The following CENPT variants were observed in gnomAD, a reference collection of about 807,000 sequenced individuals.
The protein encoded by CENPT is interphase centromere complex protein 22.
A neutral mutation model predicts 59.7 loss-of-function variants in CENPT; 42 were observed. The ratio of observed to expected loss-of-function variants is 0.70; its 90% CI spans 0.55 to 0.91. The LOEUF is 0.91. Ranked by LOEUF, CENPT falls within the 40% of genes least tolerant of loss-of-function variation. The probability of loss-of-function intolerance (pLI) is 0.00; values close to 1 mark genes in which losing one functional copy is unlikely to be tolerated. For missense variants in CENPT, 716 were observed against 713.4 expected (o/e 1.00, Z -0.04); for synonymous variants, 295 against 289.6 (o/e 1.02, Z -0.19).
chr16:67,833,903 C>T lies in CENPT; in HGVS notation c.-44G>A. ...TCCTAACCGCCCAGCCAGCTGCAGG[C>T]TCCGCCTTCCCGCCGCCACAGTTAA... On this transcript the variant is annotated 5_prime_UTR_variant, in exon 4 of 16. Transcript: ENST00000562787. 1 of 1,276,838 alleles carries T rather than the reference C, an allele frequency of 7.8e-7. No individual in the cohort carries two copies. 79.1% of individuals were successfully genotyped at this position (1,276,838 alleles called of 1,614,324 possible).
intron 1 of CENPT, among the ~76,000 whole-genome samples, chr16:67,840,094 A>G (rs1423579620): frequency 1.3e-5 from 2 of 152,170 alleles, no homozygotes; most frequent in Non-Finnish European, 2.9e-5. Flanking sequence ...AGGCGGGCGG[A>G]TCACGAAGTC....
rs1309966979 is a variant in CENPT, at chr16:67,843,460, G to C, written c.-492+3941C>G. 4.3e-6 allele frequency: 7 copies of C among 1,613,242 alleles called. No individual in the cohort carries two copies. Among genetic ancestry groups the C allele is most frequent in the Non-Finnish European group, 5.9e-6 (7 of 1,179,574 alleles). On this transcript the variant is annotated intron_variant, in intron 1 of 15. Transcript: ENST00000562787. This position sits in a 1 kb window ranked among gnomAD's most constrained non-coding sequence, Gnocchi z 5.7. ...AAGAACTGCGTGAGAAGGATCGGCT[G>C]CTTGCCATGGCTGTCATCCGCAAGA...
intron 1 of CENPT, among the ~76,000 whole-genome samples, chr16:67,840,048 G>A (rs1274100633): frequency 6.6e-6 from 1 of 151,102 alleles, no homozygotes; most frequent in Non-Finnish European, 1.5e-5. Context: ...CGGGCGCGGT[G>A]GCTCACGCCT....
chr16:67,831,883 G>A lies in CENPT; in HGVS notation c.394C>T (p.Leu132=). 6.2e-7 allele frequency: 1 copy of A among 1,611,396 alleles called. No homozygotes were observed. The highest frequency in any genetic ancestry group is 8.5e-7 in the Non-Finnish European group (1 of 1,179,236). ...RQESSCGSLE[L]QLPELEPPTT... is the part of the protein sequence containing the mutation. ...GGGGGCTCGAGCTCAGGAAGTTGCAGCTCCAGGCTATAAGAATGGAGCTTA... is the reference window on the plus strand; with the variant it reads ...GGGGGCTCGAGCTCAGGAAGTTGCAACTCCAGGCTATAAGAATGGAGCTTA... Residue 132 remains leucine (L), a synonymous_variant, in exon 8 of 16, where the codon CTG becomes TTG. Transcript: ENST00000562787.
Position 67,840,745 on chromosome 16 carries a change from T to G in CENPT, c.-491-5087A>C, listed in dbSNP as rs954816443. On this transcript the variant is annotated intron_variant, in intron 1 of 15. Transcript: ENST00000562787. ...TACCCCCGAACCTAAAGTAAAAGTTTAAAAAAAATTGGGAGAAGGAAGAAC... is the reference window on the plus strand; with the variant it reads ...TACCCCCGAACCTAAAGTAAAAGTTGAAAAAAAATTGGGAGAAGGAAGAAC... 9.9e-5 allele frequency among the ~76,000 whole-genome samples: 15 copies of G among 151,740 alleles called. No homozygotes were observed. The South Asian group carries it at 3.1e-3, about 32-fold the overall frequency.
chr16:67,829,792 C>A lies in CENPT; in HGVS notation c.1159G>T (p.Gly387Trp). 1 of 1,614,218 alleles carries A rather than the reference C, an allele frequency of 6.2e-7. No homozygotes were observed. ...GCCCTGCCAGAGGCATCCTCATCCC[C>A]TGAAGATGCTCCTGGCCCGTCAGCC... Reference protein sequence around the residue: ...AEADGPGASSGDEDASGRAAS... With the variant: ...AEADGPGASSWDEDASGRAAS... Residue 387 changes from glycine (G) to tryptophan (W), a missense_variant, in exon 12 of 16, where the codon GGG (glycine) becomes TGG (tryptophan). By Grantham distance (184) the Gly-to-Trp change is radical. Transcript: ENST00000562787.
intron 4 of CENPT, among the ~76,000 whole-genome samples, chr16:67,832,891 A>G (rs1264468292): frequency 6.6e-6 from 1 of 152,204 alleles, no homozygotes; most frequent in Admixed American, 6.5e-5. Flanking sequence ...CCCAGACATG[A>G]AAGTAACAAT....
rs760705922 is a variant in CENPT, at chr16:67,832,230, GT to G, written c.286del (p.Thr96LeufsTer8). ...PRTLLKNILL[T>X]APESSILMPE... The stretch of plus-strand genomic sequence containing the variant: ...CCGGCAGGCCAGCGCTCACTTACCA[GT>G]TAGTAGGATGTTCTTCAGCAGCGTC... On this transcript the variant is annotated frameshift_variant, in exon 6 of 16. Coordinates refer to ENST00000562787, the MANE Select transcript of CENPT (RefSeq NM_025082.4). LOFTEE classifies it high-confidence loss of function. 1 of 1,614,110 alleles carries G rather than the reference GT, an allele frequency of 6.2e-7. No individual in the cohort carries two copies. Among genetic ancestry groups the G allele is most frequent in the African/African-American group, 1.3e-5 (1 of 75,064 alleles).
At position 67,842,891 on chromosome 16, in the gene CENPT, C is replaced by G; in HGVS notation, c.-492+4510G>C. ...GCAGCAGCAACAGCAGCAGCAGCAG[C>G]AACAGCAGCAACAGCAGCAGCAGCA... is the stretch of plus-strand genomic sequence containing the variant. On this transcript the variant is annotated intron_variant, in intron 1 of 15. Coordinates refer to ENST00000562787, the MANE Select transcript of CENPT (RefSeq NM_025082.4). This position sits in a 1 kb window ranked among gnomAD's most constrained non-coding sequence, Gnocchi z 4.9. 6.3e-7 allele frequency: 1 copy of G among 1,585,712 alleles called. No individual in the cohort carries two copies.
rs1009637330 is a variant in CENPT, at chr16:67,845,818, A to G, written c.-492+1583T>C. Among the ~76,000 whole-genome samples, 10 of 152,230 alleles carry G rather than the reference A, an allele frequency of 6.6e-5. 1 individual carries two copies. The highest frequency in any genetic ancestry group is 2.4e-4 in the African/African-American group (10 of 41,464). ...CTGAGTAATAAGCATCTAGTCAGGC[A>G]AAGTGTAGTGTTGACAGACCTGAGA... is the stretch of plus-strand genomic sequence containing the variant. On this transcript the variant is annotated intron_variant, in intron 1 of 15. Coordinates refer to ENST00000562787, the MANE Select transcript of CENPT (RefSeq NM_025082.4).
At chr16:67,846,445 T>C (rs993182450) in intron 1 of CENPT, among the ~76,000 whole-genome samples, 1 of 152,252 alleles carries the variant, frequency 6.6e-6, no homozygotes, top group Non-Finnish European at 1.5e-5. Flanking sequence ...GAGCTGTGCG[T>C]TCCGCCCGGG....
In CENPT at chr16:67,832,274, C is replaced by T. The variant is rs1458530375; in HGVS notation, c.243G>A (p.Leu81=). 4 of 1,614,078 alleles carry T rather than the reference C, an allele frequency of 2.5e-6. 1 individual carries two copies. In the Admixed American group the frequency reaches 5.0e-5, roughly 20 times the overall value. Reference sequence around the variant, plus strand: ...GCAGCGTCCGAGGTGTCTGTTCCTCCAAGTGCCCACTGGCCTGAATATGGG... The same window carrying T: ...GCAGCGTCCGAGGTGTCTGTTCCTCTAAGTGCCCACTGGCCTGAATATGGG... ...RSAHIQASGH[L]EEQTPRTLLK... The change falls in exon 6 of 16, where the codon TTG becomes TTA. Residue 81 remains leucine (L), a synonymous_variant. Coordinates refer to ENST00000562787, the MANE Select transcript of CENPT (RefSeq NM_025082.4).
chr16:67,839,526 C>T (rs779346520), intron 1 of CENPT, among the ~76,000 whole-genome samples: 4 of 152,008 alleles, frequency 2.6e-5, no homozygotes, highest in Admixed American at 6.6e-5. Context: ...CACCACTACA[C>T]GCCAGCCTGG....
At position 67,832,217 on chromosome 16, in the gene CENPT, C is replaced by A. The variant is rs753122348; in HGVS notation, c.289+11G>T. On this transcript the variant is annotated intron_variant, in intron 6 of 15. Coordinates refer to ENST00000562787, the MANE Select transcript of CENPT (RefSeq NM_025082.4). ...TACCTAACTCTGACCGGCAGGCCAGCGCTCACTTACCAGTTAGTAGGATGT... is the reference window on the plus strand; with the variant it reads ...TACCTAACTCTGACCGGCAGGCCAGAGCTCACTTACCAGTTAGTAGGATGT... 3 of 1,613,624 alleles carry A rather than the reference C, an allele frequency of 1.9e-6. No individual in the cohort carries two copies. The highest frequency in any genetic ancestry group is 1.6e-4 in the Middle Eastern group (1 of 6,084).
At chr16:67,845,833 C>G (rs1441539627) in intron 1 of CENPT, among the ~76,000 whole-genome samples, 2 of 152,210 alleles carry the variant, frequency 1.3e-5, no homozygotes, top group African/African-American at 4.8e-5. Context: ...GTAGTGTTGA[C>G]AGACCTGAGA....
Position 67,832,030 on chromosome 16 carries a change from T to C in CENPT, c.368A>G (p.Gln123Arg), listed in dbSNP as rs759013748. The C allele has an allele frequency of 3.4e-5, 54 of 1,607,304 alleles. 1 individual carries two copies. Among genetic ancestry groups the C allele is most frequent in the Non-Finnish European group, 3.6e-5 (42 of 1,175,736 alleles). ...TGTGTACCTGCCGCAACTGCTCTCT[T>C]GTCTGGAGGGTTGGACCGCCTGCGG... ...PAPQAVQPSR[Q>R]ESSCGSLELQ... The change falls in exon 7 of 16, where the codon CAA (glutamine) becomes CGA (arginine). Residue 123 changes from glutamine (Q) to arginine (R), a missense_variant. Coordinates refer to ENST00000562787, the MANE Select transcript of CENPT (RefSeq NM_025082.4).
At chr16:67,845,484 T>C (rs990693170) in intron 1 of CENPT, among the ~76,000 whole-genome samples, 1 of 152,150 alleles carries the variant, frequency 6.6e-6, no homozygotes, top group Non-Finnish European at 1.5e-5. Flanking sequence ...GGTAATCAGG[T>C]GGTGGAAGCA....
At chr16:67,839,203 A>G (rs945941828) in intron 1 of CENPT, among the ~76,000 whole-genome samples, 3 of 151,886 alleles carry the variant, frequency 2.0e-5, no homozygotes, top group Admixed American at 6.6e-5. Context: ...CCTGGCCAAC[A>G]TGAGGAAAAC....
chr16:67,836,628 T>C (rs2057736116), intron 1 of CENPT, among the ~76,000 whole-genome samples: 1 of 151,458 alleles, frequency 6.6e-6, no homozygotes. Flanking sequence ...TTTTCTTTTT[T>C]TGAGACAGAG....
Sources: allele counts gnomAD v4.1 joint callset (sites outside exome capture counted in the v4.1 genomes callset), GRCh38; gene constraint gnomAD v4.1.1; non-coding constraint Gnocchi (gnomAD v3.1); transcripts MANE v1.5; gene names NCBI Gene and HGNC (gene_info 2026-07-23, HGNC 2026-07-21).